Variants in SMPD1 observed in about 807,000 individuals in gnomAD.
SMPD1 encodes sphingomyelin phosphodiesterase 1.
A neutral mutation model predicts 49.7 loss-of-function variants in SMPD1; 47 were observed. That is an observed-to-expected ratio of 0.95 (90% CI 0.75 to 1.21). SMPD1 has a LOEUF of 1.21. Among genes scored for constraint, SMPD1 ranks in the 50% most tolerant of loss-of-function variants. SMPD1 has a pLI of 0.00. For missense variants in SMPD1, 811 were observed against 822.2 expected (o/e 0.99, Z 0.17); for synonymous variants, 336 against 339.6 (o/e 0.99, Z 0.12).
chr11:6,392,592 G>C (rs1263535904), intron 2 of SMPD1, among the ~76,000 whole-genome samples: 1 of 144,408 alleles, frequency 6.9e-6, no homozygotes, highest in African/African-American at 2.6e-5. Context: ...CCACCTCCTG[G>C]GTTCAAGCAA....
chr11:6,390,714 TGGCG>T lies in SMPD1; in HGVS notation c.117_120del (p.Ala40TrpfsTer36). The T allele has an allele frequency of 1.3e-6, 2 of 1,547,068 alleles. No homozygotes were observed. The highest frequency in any genetic ancestry group is 1.7e-6 in the Non-Finnish European group (2 of 1,146,522). ...CTTTGGATGGGCCTGGTGCTGGCGC[TGGCG>T]CTGGCGCTGGCGCTGGCGCTGGCTC... On this transcript the variant is annotated frameshift_variant, in exon 1 of 6. Coordinates refer to ENST00000342245, the MANE Select transcript of SMPD1 (RefSeq NM_000543.5). LOFTEE classifies it high-confidence loss of function.
chr11:6,394,335 C>T lies in SMPD1; in HGVS notation c.1624C>T (p.Arg542Ter), dbSNP rs398123478. The change falls in exon 6 of 6, where the codon CGA becomes TGA. Residue 542 changes from arginine (R) to a stop codon, truncating the protein, a stop_gained. Coordinates refer to ENST00000342245, the MANE Select transcript of SMPD1 (RefSeq NM_000543.5). LOFTEE classifies it high-confidence loss of function. ...IPHWQLLYRARETYGLPNTLP... is the reference protein window; with the variant it reads ...IPHWQLLYRA ...GCACTGGCAGCTTCTCTACAGGGCT[C>T]GAGAAACCTATGGGCTGCCCAACAC... 2.3e-5 allele frequency: 37 copies of T among 1,614,218 alleles called. No individual in the cohort carries two copies. The South Asian group carries it at 3.6e-4, about 16-fold the overall frequency.
intron 5 of SMPD1, 64 bp downstream of exon 5, chr11:6,394,105 A>G (rs914295631): frequency 7.4e-6 from 12 of 1,613,506 alleles, no homozygotes; most frequent in Non-Finnish European, 1.0e-5. Flanking sequence ...AGGAGGTTGG[A>G]GCCAGAGCCT....
Position 6,394,417 on chromosome 11 carries a change from T to C in SMPD1, c.1706T>C (p.Phe569Ser). 1 of 1,614,216 alleles carries C rather than the reference T, an allele frequency of 6.2e-7. No homozygotes were observed. The highest frequency in any genetic ancestry group is 8.5e-7 in the Non-Finnish European group (1 of 1,180,026). Residue 569 changes from phenylalanine to serine, a missense_variant, in exon 6 of 6, where the codon TTC (phenylalanine) becomes TCC (serine). By Grantham distance (155) the Phe-to-Ser change is radical. Coordinates refer to ENST00000342245, the MANE Select transcript of SMPD1 (RefSeq NM_000543.5). ...CGCATGCGGGGCGACATGCAACTTTTCCAGACCTTCTGGTTTCTCTACCAT... is the reference window on the plus strand; with the variant it reads ...CGCATGCGGGGCGACATGCAACTTTCCCAGACCTTCTGGTTTCTCTACCAT... ...VYRMRGDMQL[F>S]QTFWFLYHKG...
Position 6,393,705 on chromosome 11 carries a change from A to T in SMPD1, c.1340+12A>T, listed in dbSNP as rs140221837. The T allele has an allele frequency of 1.5e-4, 240 of 1,610,814 alleles. 1 individual carries two copies. In the African/African-American group the frequency reaches 1.9e-3, roughly 13 times the overall value. On this transcript the variant is annotated intron_variant, in intron 4 of 5. Coordinates refer to ENST00000342245, the MANE Select transcript of SMPD1 (RefSeq NM_000543.5). The stretch of plus-strand genomic sequence containing the variant: ...CGAATTGTAGCCAGGTAGGACGGAG[A>T]TGAGGGTGGGAATAGGGACAGGGTG...
chr11:6,393,506 G>T (rs1288477931), intron 3 of SMPD1, 111 bp from the exon 4 acceptor site: 6 of 1,396,384 alleles, frequency 4.3e-6, no homozygotes, highest in Non-Finnish European at 4.0e-6. Context: ...TGTTCCCTGG[G>T]GATTCAGCTC....
In SMPD1 at chr11:6,391,919, A is replaced by T; in HGVS notation, c.854A>T (p.Asp285Val). 6.2e-7 allele frequency: 1 copy of T among 1,614,082 alleles called. No homozygotes were observed. Among genetic ancestry groups the T allele is most frequent in the Non-Finnish European group, 8.5e-7 (1 of 1,180,004 alleles). Residue 285 changes from aspartate to valine, a missense_variant, in exon 2 of 6, where the codon GAT becomes GTT. Coordinates refer to ENST00000342245, the MANE Select transcript of SMPD1 (RefSeq NM_000543.5). ...VYWTGDIPAH[D>V]VWHQTRQDQL... is the part of the protein sequence containing the mutation. ...TGGACAGGAGACATCCCCGCACATG[A>T]TGTCTGGCACCAGACTCGTCAGGAC...
At position 6,390,758 on chromosome 11, in the gene SMPD1, G is replaced by T; in HGVS notation, c.160G>T (p.Val54Phe). Reference protein sequence around the residue: ...ALALALSDSRVLWAPAEAHPL... With the variant: ...ALALALSDSRFLWAPAEAHPL... ...GGCGCTGGCTCTGTCTGACTCTCGGGTTCTCTGGGCTCCGGCAGAGGCTCA... is the reference window on the plus strand; with the variant it reads ...GGCGCTGGCTCTGTCTGACTCTCGGTTTCTCTGGGCTCCGGCAGAGGCTCA... Residue 54 changes from valine to phenylalanine, a missense_variant, in exon 1 of 6, where the codon GTT becomes TTT. Physicochemically the swap from Val to Phe is conservative, Grantham distance 50. Coordinates refer to ENST00000342245, the MANE Select transcript of SMPD1 (RefSeq NM_000543.5). 6.2e-7 allele frequency: 1 copy of T among 1,613,792 alleles called. No individual in the cohort carries two copies. The highest frequency in any genetic ancestry group is 1.7e-5 in the Admixed American group (1 of 60,006).
rs1490531796 is a variant in SMPD1, at chr11:6,394,765, T to TGGTTTAGCTGGATATGGGAGGG, written c.*164_*185dup. 5.4e-5 allele frequency: 37 copies of TGGTTTAGCTGGATATGGGAGGG among 687,984 alleles called. No homozygotes were observed. The Admixed American group carries it at 5.6e-4, about 10-fold the overall frequency. 42.6% of individuals were successfully genotyped at this position (687,984 alleles called of 1,614,324 possible). A position where few individuals can be genotyped will look rare whatever the true frequency, so the allele number is the denominator to read the frequency against. ...ACAGGACCTTCTCCTTTCCTGGAGC[T>TGGTTTAGCTGGATATGGGAGGG]GGTTTAGCTGGATATGGGAGGGGGT... On this transcript the variant is annotated 3_prime_UTR_variant, in exon 6 of 6. Coordinates refer to ENST00000342245, the MANE Select transcript of SMPD1 (RefSeq NM_000543.5).
At position 6,390,611 on chromosome 11, in the gene SMPD1, G is replaced by A. The variant is rs1283979194; in HGVS notation, c.13G>A (p.Gly5Arg). The A allele has an allele frequency of 3.7e-6, 6 of 1,612,548 alleles. No homozygotes were observed. The highest frequency in any genetic ancestry group is 5.1e-6 in the Non-Finnish European group (6 of 1,179,666). The change falls in exon 1 of 6, where the codon GGA (glycine) becomes AGA (arginine). Residue 5 changes from glycine (G) to arginine (R), a missense_variant. By Grantham distance (125) the Gly-to-Arg change is moderately radical. Transcript: ENST00000342245. ...AGGAAGCGCGACAATGCCCCGCTAC[G>A]GAGCGTCACTCCGCCAGAGCTGCCC... MPRY[G>R]ASLRQSCPRS...
chr11:6,393,199 T>C lies in SMPD1; in HGVS notation c.1092-17T>C. On this transcript the variant is annotated splice_polypyrimidine_tract_variant and intron_variant, in intron 2 of 5. Transcript: ENST00000342245. ...GATTGGAACAAGTGTTGACCTCTCA[T>C]GTTTACTTTGTTTCAGAATTGGGGG... is the stretch of plus-strand genomic sequence containing the variant. 1 of 1,612,202 alleles carries C rather than the reference T, an allele frequency of 6.2e-7. No homozygotes were observed. Among genetic ancestry groups the C allele is most frequent in the Non-Finnish European group, 8.5e-7 (1 of 1,178,428 alleles).
intron 3 of SMPD1, 45 bp from the exon 4 acceptor site, chr11:6,393,572 G>A (rs1848037977): frequency 1.3e-6 from 2 of 1,518,466 alleles, no homozygotes; most frequent in African/African-American, 2.7e-5. Context: ...AGGGCTGCCT[G>A]GACCCCTGGA....
chr11:6,394,162 C>T lies in SMPD1; in HGVS notation c.1487-36C>T, dbSNP rs11601088. 208,589 of 1,613,706 alleles carry T rather than the reference C, an allele frequency of 0.13. 14,598 individuals are homozygous for T. Among genetic ancestry groups the T allele is most frequent in the South Asian group, 0.17 (15,723 of 91,044 alleles). ...TGGCCCCTCCCTGGAGTTACCCTTGCTCCTTGCCCCTCCAGTCAGCCCCAC... is the reference window on the plus strand; with the variant it reads ...TGGCCCCTCCCTGGAGTTACCCTTGTTCCTTGCCCCTCCAGTCAGCCCCAC... On this transcript the variant is annotated intron_variant, in intron 5 of 5. Transcript: ENST00000342245.
rs770932397 is a variant in SMPD1 at position 6,394,809 on chromosome 11, G to C, written c.*202G>C. 2 of 613,722 alleles carry C rather than the reference G, an allele frequency of 3.3e-6. No individual in the cohort carries two copies. Among genetic ancestry groups the C allele is most frequent in the Non-Finnish European group, 5.8e-6 (2 of 347,334 alleles). The allele number at this position is 613,722 out of a possible 1,614,324, so 38.0% of individuals were successfully genotyped here. ...AGGGGGTTTGGCTGCCTGTGCCCAG[G>C]AGCTAGACTGCCTTGAGGCTGCTGT... On this transcript the variant is annotated 3_prime_UTR_variant, in exon 6 of 6. Coordinates refer to ENST00000342245, the MANE Select transcript of SMPD1 (RefSeq NM_000543.5).
At chr11:6,391,307 AAGGGGTGGTGGCC>A in intron 1 of SMPD1, 64 bp from the exon 2 acceptor site, 1 of 1,470,756 alleles carries the variant, frequency 6.8e-7, no homozygotes, top group South Asian at 1.1e-5. Context: ...ATGGAGGCCC[AAGGGGTGGTGGCC>A]AGGGGTTGGC....
chr11:6,394,767 GT>G lies in SMPD1; in HGVS notation c.*163del. On this transcript the variant is annotated 3_prime_UTR_variant, in exon 6 of 6. Transcript: ENST00000342245. ...AGGACCTTCTCCTTTCCTGGAGCTG[GT>G]TTAGCTGGATATGGGAGGGGGTTTG... The G allele has an allele frequency of 1.4e-6, 1 of 690,132 alleles. No individual in the cohort carries two copies. Among genetic ancestry groups the G allele is most frequent in the Non-Finnish European group, 2.5e-6 (1 of 403,996 alleles). The allele number at this position is 690,132 out of a possible 1,614,324, so 42.8% of individuals were successfully genotyped here. A position where few individuals can be genotyped will look rare whatever the true frequency, so the allele number is the denominator to read the frequency against.
chr11:6,392,102 C>T lies in SMPD1; in HGVS notation c.1037C>T (p.Ala346Val), dbSNP rs373508268. ...CACTCCTCCCGCTGGCTCTATGAAG[C>T]GATGGCCAAGGCTTGGGAGCCCTGG... is the stretch of plus-strand genomic sequence containing the variant. Reference protein sequence around the residue: ...GNHSSRWLYEAMAKAWEPWLP... With the variant: ...GNHSSRWLYEVMAKAWEPWLP... Residue 346 changes from alanine to valine, a missense_variant, in exon 2 of 6, where the codon GCG (alanine) becomes GTG (valine). Ala to Val is a moderately conservative substitution (Grantham distance 64). Coordinates refer to ENST00000342245, the MANE Select transcript of SMPD1 (RefSeq NM_000543.5). 3.3e-5 allele frequency: 54 copies of T among 1,614,132 alleles called. No individual in the cohort carries two copies. The African/African-American group carries it at 3.7e-4, about 11-fold the overall frequency.
rs903729458 is a variant in SMPD1, at chr11:6,390,646, C to T, written c.48C>T (p.Gly16=). ...TCCGCCAGAGCTGCCCCAGGTCCGG[C>T]CGGGAGCAGGGACAAGACGGGACCG... ...ASLRQSCPRS[G]REQGQDGTAG... is the part of the protein sequence containing the mutation. Residue 16 remains glycine, a synonymous_variant, in exon 1 of 6, where the codon GGC becomes GGT. Transcript: ENST00000342245. 3 of 1,613,084 alleles carry T rather than the reference C, an allele frequency of 1.9e-6. No individual in the cohort carries two copies. The African/African-American group carries it at 4.0e-5, about 22-fold the overall frequency.
Position 6,394,655 on chromosome 11 carries a change from A to C in SMPD1, c.*48A>C. ...AAAGTTCTTGATGTAGGAAAGGGTG[A>C]AAAAGCCCAAATGCTGCTGTGGTTC... On this transcript the variant is annotated 3_prime_UTR_variant, in exon 6 of 6. Coordinates refer to ENST00000342245, the MANE Select transcript of SMPD1 (RefSeq NM_000543.5). The C allele has an allele frequency of 6.7e-7, 1 of 1,494,284 alleles. No homozygotes were observed. Among genetic ancestry groups the C allele is most frequent in the Non-Finnish European group, 9.2e-7 (1 of 1,088,106 alleles). The allele number at this position is 1,494,284 out of a possible 1,614,324, so 92.6% of individuals were successfully genotyped here.
Sources: gnomAD v4.1 joint callset for allele counts (sites outside exome capture counted in the v4.1 genomes callset) on GRCh38, gnomAD v4.1.1 for gene constraint, MANE v1.5 for transcripts, NCBI Gene and HGNC (gene_info 2026-07-23, HGNC 2026-07-21) for gene names.